The following TMEM235 variants were observed in gnomAD, a reference collection of about 807,000 sequenced individuals.
TMEM235 encodes the protein claudin-27.
A neutral mutation model predicts 22.9 loss-of-function variants in TMEM235; 23 were observed. The ratio of observed to expected loss-of-function variants is 1.00; its 90% CI spans 0.72 to 1.42. The LOEUF (loss-of-function observed/expected upper bound fraction) is 1.42, where lower values mean the gene tolerates loss of function less well. Among genes scored for constraint, TMEM235 ranks in the 40% most tolerant of loss-of-function variants. TMEM235 has a pLI of 0.00. For missense variants in TMEM235, 308 were observed against 299.5 expected (o/e 1.03, Z -0.21); for synonymous variants, 137 against 140.5 (o/e 0.98, Z 0.17).
exon 2 of TMEM235, chr17:78,232,194 G>T (rs2076590074): frequency 6.7e-7 from 1 of 1,484,796 alleles, no homozygotes; most frequent in Non-Finnish European, 8.9e-7. Flanking sequence ...CGCACTCGGG[G>T]CTCTGGCGCA....
At chr17:78,235,475 C>CG (rs1044684415) in intron 4 of TMEM235, among the ~76,000 whole-genome samples, 25 of 151,394 alleles carry the variant, frequency 1.7e-4, no homozygotes, top group African/African-American at 9.7e-5. Context: ...TTGGTAGAGA[C>CG]GGGGTCTCTC....
At chr17:78,239,972 T>G in exon 6 of TMEM235, 1 of 1,548,336 alleles carries the variant, frequency 6.5e-7, no homozygotes. Context: ...GGCAAGGAGC[T>G]GAGCGATCCA....
At position 78,239,188 on chromosome 17, in the gene TMEM235, G is replaced by A. The variant is rs554696302; in HGVS notation, c.574G>A (p.Gly192Arg). 12 of 1,543,374 alleles carry A rather than the reference G, an allele frequency of 7.8e-6. No individual in the cohort carries two copies. The highest frequency in any genetic ancestry group is 4.9e-5 in the East Asian group (2 of 40,922). ...CTCCTGTGCCTTGGAGGCATTCAGC[G>A]GAACCCTCCTGCTCTCAGCTGCCTG... The change falls in exon 5 of 6, where the codon GGA becomes AGA. Residue 192 changes from glycine to arginine, a missense_variant. Physicochemically the swap from Gly to Arg is moderately radical, Grantham distance 125. Transcript: ENST00000421688.
At position 78,238,913 on chromosome 17, in the gene TMEM235, T is replaced by C; in HGVS notation, c.410-111T>C. Reference sequence around the variant, plus strand: ...AAGGGCGGTGTGCTGCCTGCAGCTCTGCCTGAATGCTAGCGGGGCCGGGGA... The same window carrying C: ...AAGGGCGGTGTGCTGCCTGCAGCTCCGCCTGAATGCTAGCGGGGCCGGGGA... On this transcript the variant is annotated intron_variant, in intron 4 of 5. Transcript: ENST00000421688. The surrounding 1 kb of genome is among the most constrained non-coding windows in gnomAD (Gnocchi z 4.3). 3 of 1,439,168 alleles carry C rather than the reference T, an allele frequency of 2.1e-6. No individual in the cohort carries two copies. The highest frequency in any genetic ancestry group is 2.8e-6 in the Non-Finnish European group (3 of 1,088,382). The allele number at this position is 1,439,168 out of a possible 1,614,324, so 89.1% of individuals were successfully genotyped here. A position where few individuals can be genotyped will look rare whatever the true frequency, so the allele number is the denominator to read the frequency against.
At chr17:78,235,357 G>A (rs1342988582) in intron 4 of TMEM235, among the ~76,000 whole-genome samples, 4 of 151,514 alleles carry the variant, frequency 2.6e-5, no homozygotes, top group South Asian at 2.1e-4. Flanking sequence ...GCATGATCTC[G>A]ACTCACTGCA....
At chr17:78,231,972 C>A in exon 2 of TMEM235, 1 of 1,066,870 alleles carries the variant, frequency 9.4e-7, no homozygotes, top group Non-Finnish European at 1.1e-6. Context: ...CGCCCCCCGC[C>A]GCCCCCGGGG....
chr17:78,232,111 T>C (rs1240101845), exon 2 of TMEM235: 2 of 1,478,448 alleles, frequency 1.4e-6, no homozygotes, highest in Non-Finnish European at 1.8e-6. Context: ...CGCCAGCGAC[T>C]ACTGGTACAT....
Position 78,238,989 on chromosome 17 carries a change from A to G in TMEM235, c.410-35A>G. On this transcript the variant is annotated intron_variant, in intron 4 of 5. Transcript: ENST00000421688. The surrounding 1 kb of genome is among the most constrained non-coding windows in gnomAD (Gnocchi z 4.3). ...CCTGGGCCTGGGCCCGCTAGAGCAGACACCGAGCAGCTGCCCTCCCCATCT... is the reference window on the plus strand; with the variant it reads ...CCTGGGCCTGGGCCCGCTAGAGCAGGCACCGAGCAGCTGCCCTCCCCATCT... 1 of 1,522,374 alleles carries G rather than the reference A, an allele frequency of 6.6e-7. No homozygotes were observed. Among genetic ancestry groups the G allele is most frequent in the South Asian group, 1.2e-5 (1 of 82,786 alleles). The allele number at this position is 1,522,374 out of a possible 1,614,324, so 94.3% of individuals were successfully genotyped here.
chr17:78,239,715 G>C, intron 5 of TMEM235, 65 bp from the exon 5 acceptor site: 17 of 1,494,894 alleles, frequency 1.1e-5, no homozygotes, highest in Non-Finnish European at 1.4e-5. Flanking sequence ...GCAGGACTGG[G>C]CTCCATGCTC....
At position 78,231,695 on chromosome 17, in the gene TMEM235, G is replaced by A. The variant is rs867312905; in HGVS notation, c.-329G>A. ...GGCTGCTGAGGAGCCGGGGGTTCAGGGAAATTAAGGAACGTGCCCAGGGAC... is the reference window on the plus strand; with the variant it reads ...GGCTGCTGAGGAGCCGGGGGTTCAGAGAAATTAAGGAACGTGCCCAGGGAC... On this transcript the variant is annotated 5_prime_UTR_variant, in exon 2 of 6. Transcript: ENST00000421688. 1.7e-5 allele frequency: 22 copies of A among 1,280,926 alleles called. No individual in the cohort carries two copies. The Middle Eastern group carries it at 2.0e-3, about 114-fold the overall frequency. 79.3% of individuals were successfully genotyped at this position (1,280,926 alleles called of 1,614,324 possible).
At chr17:78,235,952 C>T (rs1028070655) in intron 4 of TMEM235, among the ~76,000 whole-genome samples, 2 of 152,192 alleles carry the variant, frequency 1.3e-5, no homozygotes, top group African/African-American at 4.8e-5. Flanking sequence ...ACTCACTATC[C>T]AGAGAACAGC....
At chr17:78,233,677 C>G (rs2076609190) in intron 2 of TMEM235, among the ~76,000 whole-genome samples, 1 of 142,460 alleles carries the variant, frequency 7.0e-6, no homozygotes, top group Non-Finnish European at 1.6e-5. Flanking sequence ...CCTGGGGTGA[C>G]AGAGCGAGAC....
At chr17:78,239,971 C>T (rs2076691216) in exon 6 of TMEM235, 1 of 1,548,498 alleles carries the variant, frequency 6.5e-7, no homozygotes, top group Non-Finnish European at 8.7e-7. Flanking sequence ...GGGCAAGGAG[C>T]TGAGCGATCC....
chr17:78,236,109 A>G (rs2076639768), intron 4 of TMEM235, among the ~76,000 whole-genome samples: 1 of 152,212 alleles, frequency 6.6e-6, no homozygotes, highest in South Asian at 2.1e-4. Context: ...TGATAGGAGC[A>G]GGGCTTCTGG....
intron 1 of TMEM235, chr17:78,231,370 C>A: frequency 8.0e-7 from 1 of 1,242,964 alleles, no homozygotes. Flanking sequence ...AGAGGCCGGC[C>A]TTGCTGGAGG....
Position 78,238,096 on chromosome 17 carries a change from C to T in TMEM235, c.410-928C>T, listed in dbSNP as rs541553504. Among the ~76,000 whole-genome samples, 1 of 152,322 alleles carries T rather than the reference C, an allele frequency of 6.6e-6. No homozygotes were observed. The highest frequency in any genetic ancestry group is 1.9e-4 in the East Asian group (1 of 5,182). On this transcript the variant is annotated intron_variant, in intron 4 of 5. Transcript: ENST00000421688. This position sits in a 1 kb window ranked among gnomAD's most constrained non-coding sequence, Gnocchi z 4.3. Reference sequence around the variant, plus strand: ...CCTGGCTAACATTCCCTACAGTCGGCGCCAAGGACAGGCTTTCTCATCAGC... The same window carrying T: ...CCTGGCTAACATTCCCTACAGTCGGTGCCAAGGACAGGCTTTCTCATCAGC...
chr17:78,231,375 T>G (rs1457935668), intron 1 of TMEM235: 1 of 1,249,258 alleles, frequency 8.0e-7, no homozygotes, highest in African/African-American at 1.5e-5. Flanking sequence ...CCGGCCTTGC[T>G]GGAGGGGGCA....
chr17:78,238,962 CACCTGG>C lies in TMEM235; in HGVS notation c.410-61_410-56del. The stretch of plus-strand genomic sequence containing the variant: ...GATGCTGAGGCCATGTCTGCAGGAC[CACCTGG>C]GCCTGGGCCCGCTAGAGCAGACACC... On this transcript the variant is annotated intron_variant, in intron 4 of 5. Transcript: ENST00000421688. The surrounding 1 kb of genome is among the most constrained non-coding windows in gnomAD (Gnocchi z 4.3). The C allele has an allele frequency of 6.7e-7, 1 of 1,493,658 alleles. No individual in the cohort carries two copies. The highest frequency in any genetic ancestry group is 1.3e-5 in the South Asian group (1 of 77,900). 92.5% of individuals were successfully genotyped at this position (1,493,658 alleles called of 1,614,324 possible). A position where few individuals can be genotyped will look rare whatever the true frequency, so the allele number is the denominator to read the frequency against.
rs1431052640 is a variant in TMEM235 at position 78,233,950 on chromosome 17, C to T, written c.246C>T (p.Val82=). ...CTTTTGCCAGTGAGAGCCTGGACGT[C>T]TCCACCTCGGTGCAGCACCTCATCT... is the stretch of plus-strand genomic sequence containing the variant. The change falls in exon 3 of 6, where the codon GTC becomes GTT. Residue 82 remains valine (V), a synonymous_variant. Coordinates refer to ENST00000421688, the Ensembl canonical transcript of TMEM235. The T allele has an allele frequency of 2.6e-6, 4 of 1,533,742 alleles. No individual in the cohort carries two copies. In the East Asian group the frequency reaches 9.8e-5, roughly 38 times the overall value.
Sources: allele counts gnomAD v4.1 joint callset (sites outside exome capture counted in the v4.1 genomes callset), GRCh38; gene constraint gnomAD v4.1.1; non-coding constraint Gnocchi (gnomAD v3.1); transcripts MANE v1.5; gene names NCBI Gene and HGNC (gene_info 2026-07-23, HGNC 2026-07-21).